Variants in MYO9B observed in about 807,000 individuals in gnomAD.
MYO9B encodes the protein myosin IXB, also known as unconventional myosin-IXb.
In MYO9B, 71 loss-of-function variants were observed where a neutral mutation model predicts 229.5. That is an observed-to-expected ratio of 0.31 (90% CI 0.26 to 0.38). MYO9B has a LOEUF of 0.38. Among genes scored for constraint, MYO9B ranks in the 10% least tolerant of loss-of-function variants. MYO9B has a pLI of 1.00. For missense variants in MYO9B, 2,255 were observed against 2,920.5 expected, an observed-to-expected ratio of 0.77 and a Z score of 5.25; for synonymous variants, 1,185 against 1,235.8, an observed-to-expected ratio of 0.96 and a Z score of 0.86.
At chr19:17,151,343 C>T (rs2072475332) in intron 3 of MYO9B, among the ~76,000 whole-genome samples, 1 of 151,508 alleles carries the variant, frequency 6.6e-6, no homozygotes, top group Non-Finnish European at 1.5e-5. Context: ...ATGGATACAA[C>T]CAAGTATTGC....
At chr19:17,170,380 T>G (rs2072709684) in intron 11 of MYO9B, among the ~76,000 whole-genome samples, 1 of 152,046 alleles carries the variant, frequency 6.6e-6, no homozygotes, top group Admixed American at 6.6e-5. Context: ...ACCCATCCCT[T>G]GCCAATGACA....
At chr19:17,126,269 G>C (rs997532463) in intron 2 of MYO9B, among the ~76,000 whole-genome samples, 1 of 152,112 alleles carries the variant, frequency 6.6e-6, no homozygotes, top group African/African-American at 2.4e-5. Flanking sequence ...TGACCCTGTG[G>C]ACCCATTTTG....
At chr19:17,145,335 GA>G (rs199778654) in intron 2 of MYO9B, 61 bp from the exon 3 acceptor site, 16 of 1,408,486 alleles carry the variant, frequency 1.1e-5, no homozygotes, top group Middle Eastern at 1.8e-4. Context: ...AAAATGAGAG[GA>G]AAAAAAAGAA....
intron 11 of MYO9B, among the ~76,000 whole-genome samples, 186 bp downstream of exon 11, chr19:17,168,250 G>A (rs1355442805): frequency 6.6e-6 from 1 of 152,124 alleles, no homozygotes; most frequent in Non-Finnish European, 1.5e-5. Flanking sequence ...CTGCAGCCTT[G>A]ACCTCCTGGG....
chr19:17,192,881 G>A lies in MYO9B; in HGVS notation c.2947G>A (p.Ala983Thr), dbSNP rs770303280. The A allele has an allele frequency of 3.2e-6, 5 of 1,550,374 alleles. No individual in the cohort carries two copies. The highest frequency in any genetic ancestry group is 2.7e-5 in the African/African-American group (2 of 73,168). Residue 983 changes from alanine (A) to threonine (T), a missense_variant, in exon 21 of 40, where the codon GCC becomes ACC. Ala to Thr is a moderately conservative substitution (Grantham distance 58). This residue lies in a region of MYO9B where 679 missense variants were observed against 770.2 expected (regional missense o/e 0.88). Transcript: ENST00000682292. ...RRHFLQMKRA[A>T]VTIQACWRSY... ...GCACTTCCTGCAGATGAAGCGGGCC[G>A]CCGTCACCATCCAGGCCTGCTGGCG...
At chr19:17,167,848 G>T (rs113842254) in intron 10 of MYO9B, 95 bp from the exon 11 acceptor site, 3 of 1,452,886 alleles carry the variant, frequency 2.1e-6, no homozygotes, top group African/African-American at 2.9e-5. Context: ...TCAGATTTTC[G>T]GATTAGGGAT....
intron 10 of MYO9B, among the ~76,000 whole-genome samples, chr19:17,164,385 C>A (rs1436910254): frequency 6.9e-6 from 1 of 145,760 alleles, no homozygotes; most frequent in Non-Finnish European, 1.5e-5. Flanking sequence ...TCTGACGTGT[C>A]TTTTTTTTTT....
chr19:17,123,865 C>T (rs1163047758), intron 2 of MYO9B, among the ~76,000 whole-genome samples: 1 of 152,062 alleles, frequency 6.6e-6, no homozygotes, highest in Non-Finnish European at 1.5e-5. Flanking sequence ...CCTCCTTACA[C>T]ATACATGGAA....
chr19:17,177,544 T>C (rs1203588092), intron 14 of MYO9B: 3 of 151,980 alleles, frequency 2.0e-5, no homozygotes, highest in African/African-American at 4.8e-5. Flanking sequence ...GGTCTGATTA[T>C]GTTGCCCAGG....
chr19:17,192,651 A>G (rs4808594), intron 20 of MYO9B, 95 bp from the exon 21 acceptor site: 466,510 of 1,026,472 alleles, frequency 0.45, 113,187 homozygotes, highest in East Asian at 0.75. Context: ...ACACCAGCCT[A>G]GGTCTCACTC....
intron 2 of MYO9B, among the ~76,000 whole-genome samples, chr19:17,141,957 G>A (rs539124836): frequency 8.5e-5 from 13 of 152,196 alleles, no homozygotes; most frequent in Admixed American, 4.6e-4. Flanking sequence ...TGGAAGGATC[G>A]CTTGAGGCCG....
intron 2 of MYO9B, among the ~76,000 whole-genome samples, chr19:17,114,097 G>A (rs954877233): frequency 2.6e-5 from 4 of 152,106 alleles, no homozygotes; most frequent in South Asian, 2.1e-4. Flanking sequence ...AACCAGAAAC[G>A]TCTCCAGATG....
Position 17,192,763 on chromosome 19 carries a change from G to A in MYO9B, c.2829G>A (p.Thr943=), listed in dbSNP as rs371932476. ...IGKTKVFLKE[T]ERQALQETLH... Reference sequence around the variant, plus strand: ...CCCACCAGGTCTTCCTGAAGGAGACGGAGCGGCAAGCCCTGCAGGAGACGC... The same window carrying A: ...CCCACCAGGTCTTCCTGAAGGAGACAGAGCGGCAAGCCCTGCAGGAGACGC... Residue 943 remains threonine, a synonymous_variant, in exon 21 of 40, where the codon ACG becomes ACA. Coordinates refer to ENST00000682292, the MANE Select transcript of MYO9B (RefSeq NM_004145.4). 46 of 1,548,948 alleles carry A rather than the reference G, an allele frequency of 3.0e-5. No homozygotes were observed. The highest frequency in any genetic ancestry group is 8.2e-5 in the African/African-American group (6 of 73,326).
At chr19:17,117,809 G>A (rs192803294) in intron 2 of MYO9B, among the ~76,000 whole-genome samples, 28 of 151,744 alleles carry the variant, frequency 1.8e-4, no homozygotes, top group African/African-American at 6.3e-4. Context: ...GTGGTGGCAG[G>A]CGCCTGTAAT....
In MYO9B at chr19:17,192,905, C is replaced by CGGT; in HGVS notation, c.2972_2974dup (p.Arg991_Ser992insTrp). 2 of 1,550,008 alleles carry CGGT rather than the reference C, an allele frequency of 1.3e-6. No homozygotes were observed. The highest frequency in any genetic ancestry group is 2.7e-5 in the African/African-American group (2 of 73,176). The stretch of plus-strand genomic sequence containing the variant: ...CGCCGTCACCATCCAGGCCTGCTGG[C>CGGT]GGTCCTACCGGGTCCGGAGGGCGCT... On this transcript the variant is annotated inframe_insertion, in exon 21 of 40. Transcript: ENST00000682292.
intron 2 of MYO9B, among the ~76,000 whole-genome samples, chr19:17,127,547 A>G (rs953305163): frequency 3.3e-5 from 5 of 152,088 alleles, no homozygotes; most frequent in Admixed American, 6.6e-5. Flanking sequence ...CAGGCTGGTC[A>G]TGAACTCCTG....
At chr19:17,166,353 A>G (rs2072659190) in intron 10 of MYO9B, among the ~76,000 whole-genome samples, 1 of 152,120 alleles carries the variant, frequency 6.6e-6, no homozygotes, top group Admixed American at 6.5e-5. Flanking sequence ...CTTGTGTGAT[A>G]TTTAAAGTGC....
chr19:17,114,290 G>A (rs559956535), intron 2 of MYO9B, among the ~76,000 whole-genome samples: 189 of 152,244 alleles, frequency 1.2e-3, no homozygotes, highest in African/African-American at 4.5e-3. Flanking sequence ...AATTCGGCAC[G>A]ATTGTGGAGT....
At chr19:17,131,285 T>C (rs535388839) in intron 2 of MYO9B, among the ~76,000 whole-genome samples, 2 of 152,350 alleles carry the variant, frequency 1.3e-5, no homozygotes, top group African/African-American at 2.4e-5. Flanking sequence ...TAATCCTTTT[T>C]TGAGACGGAG....
Sources: gnomAD v4.1 joint callset for allele counts (sites outside exome capture counted in the v4.1 genomes callset) on GRCh38, gnomAD v4.1.1 for gene constraint, gnomAD v4.1.1 regional missense constraint, MANE v1.5 for transcripts, NCBI Gene and HGNC (gene_info 2026-07-23, HGNC 2026-07-21) for gene names.